WWOX: variants seen among roughly 807,000 people sequenced by gnomAD.
WWOX encodes the protein WW domain-containing oxidoreductase.
Under a neutral mutation model 46.2 loss-of-function variants are expected in WWOX, and 69 were observed. That is an observed-to-expected ratio of 1.49 (90% confidence interval 1.23 to 1.82). The LOEUF (loss-of-function observed/expected upper bound fraction) is 1.82. Among genes scored for constraint, WWOX ranks in the 40% most tolerant of loss-of-function variants. WWOX has a pLI of 0.00. For synonymous variants in WWOX, 359 were observed against 202.6 expected (o/e 1.77, Z -6.56); for missense variants, 919 against 542.6 (o/e 1.69, Z -6.89).
At chr16:78,710,089 G>A (rs923179249) in intron 8 of WWOX, among the ~76,000 whole-genome samples, 3 of 151,954 alleles carry the variant, frequency 2.0e-5, no homozygotes, top group Admixed American at 1.3e-4. Context: ...CTGCTATTTC[G>A]TGTGTTTCTT....
At chr16:78,386,748 T>G (rs1420463904) in intron 5 of WWOX, 112 bp from the exon 6 acceptor site, 5 of 933,116 alleles carry the variant, frequency 5.4e-6, no homozygotes, top group Non-Finnish European at 8.5e-6. Context: ...TCTGGGCGTC[T>G]TATATTAAAC....
chr16:78,965,327 G>C (rs1335921395), intron 8 of WWOX, among the ~76,000 whole-genome samples: 2 of 152,138 alleles, frequency 1.3e-5, no homozygotes, highest in African/African-American at 4.8e-5. Flanking sequence ...CTAGCACGTT[G>C]GGAGGCTGAG....
chr16:78,982,915 A>C (rs141164062), intron 8 of WWOX, among the ~76,000 whole-genome samples: 1 of 152,326 alleles, frequency 6.6e-6, no homozygotes, highest in East Asian at 1.9e-4. Flanking sequence ...ACAGTGCCTG[A>C]AATAATAAAA....
At chr16:78,855,022 T>C (rs2052534994) in intron 8 of WWOX, among the ~76,000 whole-genome samples, 2 of 152,142 alleles carry the variant, frequency 1.3e-5, no homozygotes, top group Admixed American at 1.3e-4. Context: ...ATCAGTATGA[T>C]TCATCATAAA....
chr16:78,726,092 C>CCTCCCTCCCTCCCTCCCTCT, intron 8 of WWOX, among the ~76,000 whole-genome samples: 1 of 121,716 alleles, frequency 8.2e-6, no homozygotes, highest in African/African-American at 3.7e-5. Flanking sequence ...CCTCTTCCTC[C>CCTCCCTCCCTCCCTCCCTCT]CTCCCTCCCT....
intron 6 of WWOX, among the ~76,000 whole-genome samples, chr16:78,418,704 CAATA>C (rs2082856384): frequency 6.6e-6 from 1 of 152,104 alleles, no homozygotes; most frequent in South Asian, 2.1e-4. Context: ...AAGATCCTCT[CAATA>C]CATACATAAA....
At chr16:78,193,153 C>T (rs538861195) in intron 5 of WWOX, among the ~76,000 whole-genome samples, 14 of 152,158 alleles carry the variant, frequency 9.2e-5, no homozygotes, top group African/African-American at 2.7e-4. Context: ...CTCATGTGTG[C>T]GTCATATTGT....
rs114410044 is a variant in WWOX, at chr16:78,829,691, C to T, written c.1057-381917C>T. 1.7e-3 allele frequency among the ~76,000 whole-genome samples: 261 copies of T among 152,254 alleles called. 1 individual carries two copies. Among genetic ancestry groups the T allele is most frequent in the African/African-American group, 6.1e-3 (253 of 41,536 alleles). On this transcript the variant is annotated intron_variant, in intron 8 of 8. Transcript: ENST00000566780. ...TTAGAAAGTCATGTCTCATTCAGTTCCCCTAACAGGTCTAGGAGTCATTAT... is the reference window on the plus strand; with the variant it reads ...TTAGAAAGTCATGTCTCATTCAGTTTCCCTAACAGGTCTAGGAGTCATTAT...
chr16:78,872,500 A>G (rs753225082), intron 8 of WWOX, among the ~76,000 whole-genome samples: 1 of 152,222 alleles, frequency 6.6e-6, no homozygotes, highest in Admixed American at 6.5e-5. Flanking sequence ...GGTGTCACAC[A>G]GGCCTGGCAT....
chr16:78,666,590 C>T (rs1428312809), intron 8 of WWOX, among the ~76,000 whole-genome samples: 1 of 152,210 alleles, frequency 6.6e-6, no homozygotes, highest in East Asian at 1.9e-4. Context: ...CAGATTCCTT[C>T]AGTCGCATGT....
At chr16:79,079,837 C>T (rs866423536) in intron 8 of WWOX, among the ~76,000 whole-genome samples, 6 of 152,304 alleles carry the variant, frequency 3.9e-5, no homozygotes, top group South Asian at 4.1e-4. Flanking sequence ...AATGTGATTA[C>T]AACATATGCT....
rs560570508 is a variant in WWOX at position 78,736,688 on chromosome 16, T to G, written c.1056+303936T>G. Among the ~76,000 whole-genome samples, 15 of 152,180 alleles carry G rather than the reference T, an allele frequency of 9.9e-5. No individual in the cohort carries two copies. In the East Asian group the frequency reaches 2.3e-3, roughly 24 times the overall value. On this transcript the variant is annotated intron_variant, in intron 8 of 8. Coordinates refer to ENST00000566780, the MANE Select transcript of WWOX (RefSeq NM_016373.4). ...TATTAGCTCACTGCAGCCTCAAACT[T>G]CTAGGCTGAAGTGATCCTCCCACCT...
chr16:78,900,577 T>G (rs940298898), intron 8 of WWOX, among the ~76,000 whole-genome samples: 4 of 152,178 alleles, frequency 2.6e-5, no homozygotes, highest in Admixed American at 1.3e-4. Flanking sequence ...TTCAGGTTAT[T>G]TGTAACCAGT....
intron 8 of WWOX, among the ~76,000 whole-genome samples, chr16:78,545,033 A>G (rs906460621): frequency 1.3e-5 from 2 of 152,134 alleles, no homozygotes; most frequent in Non-Finnish European, 2.9e-5. Context: ...GAGAGAAAGA[A>G]AGAGAGAGAG....
chr16:79,028,150 C>T (rs1188004973), intron 8 of WWOX, among the ~76,000 whole-genome samples: 6 of 151,654 alleles, frequency 4.0e-5, no homozygotes, highest in South Asian at 2.1e-4. Context: ...GGGGTTTCAC[C>T]GTGTTACCCA....
chr16:79,060,774 C>G (rs2048344603), intron 8 of WWOX, among the ~76,000 whole-genome samples: 1 of 152,208 alleles, frequency 6.6e-6, no homozygotes. Context: ...TTAAGACTCT[C>G]AGTCTCCTTG....
chr16:78,476,244 ATG>A (rs2084346042), intron 8 of WWOX, among the ~76,000 whole-genome samples: 2 of 152,176 alleles, frequency 1.3e-5, no homozygotes, highest in African/African-American at 2.4e-5. Context: ...GCATTGTTTC[ATG>A]TGTCTGTTGG....
At chr16:78,119,647 T>G (rs542262594) in intron 4 of WWOX, among the ~76,000 whole-genome samples, 1 of 152,002 alleles carries the variant, frequency 6.6e-6, no homozygotes. Flanking sequence ...TTTTAATGTT[T>G]GAGATGGGGT....
intron 5 of WWOX, among the ~76,000 whole-genome samples, chr16:78,359,184 A>G (rs1051920277): frequency 6.6e-6 from 1 of 152,194 alleles, no homozygotes; most frequent in Admixed American, 6.5e-5. Context: ...TTGTCATTTT[A>G]TAGTGAGTTG....
Sources: gnomAD v4.1 joint callset for allele counts (sites outside exome capture counted in the v4.1 genomes callset) on GRCh38, gnomAD v4.1.1 for gene constraint, MANE v1.5 for transcripts, NCBI Gene and HGNC (gene_info 2026-07-23, HGNC 2026-07-21) for gene names.